Variants in GUCY1A2 observed in about 807,000 individuals in gnomAD.
The protein encoded by GUCY1A2 is guanylate cyclase soluble subunit alpha-2.
In GUCY1A2, 27 loss-of-function variants were observed where a neutral mutation model predicts 63.5. That is an observed-to-expected ratio of 0.43 (90% CI 0.31 to 0.59). GUCY1A2 has a LOEUF of 0.59. Ranked by LOEUF, GUCY1A2 falls within the 20% of genes least tolerant of loss-of-function variation. The probability of loss-of-function intolerance (pLI) is 0.11; values close to 1 mark genes in which losing one functional copy is unlikely to be tolerated. For missense variants in GUCY1A2, 768 were observed against 913.3 expected (o/e 0.84, Z 2.05); for synonymous variants, 364 against 343.5 (o/e 1.06, Z -0.66).
At chr11:106,747,498 A>G (rs1394483975) in intron 6 of GUCY1A2, among the ~76,000 whole-genome samples, 1 of 152,206 alleles carries the variant, frequency 6.6e-6, no homozygotes, top group Non-Finnish European at 1.5e-5. Flanking sequence ...AGAAGGCAAT[A>G]ACTGCTTAAG....
At chr11:106,799,533 C>A (rs1231992903) in intron 5 of GUCY1A2, among the ~76,000 whole-genome samples, 1 of 151,990 alleles carries the variant, frequency 6.6e-6, no homozygotes, top group African/African-American at 2.4e-5. Context: ...GTACTGGTAC[C>A]AAAACAGAGA....
rs563599546 is a variant in GUCY1A2, at chr11:106,798,541, C to T, written c.1692+11452G>A. Among the ~76,000 whole-genome samples the T allele has an allele frequency of 3.2e-3, 481 of 152,314 alleles. 2 individuals are homozygous for T. The highest frequency in any genetic ancestry group is 0.011 in the African/African-American group (452 of 41,554). The stretch of plus-strand genomic sequence containing the variant: ...TAAAATACTGGCAAACCAAATCCAG[C>T]AGCACATCAAAAAGCTTATCCACCA... On this transcript the variant is annotated intron_variant, in intron 5 of 7. Coordinates refer to ENST00000526355, the MANE Select transcript of GUCY1A2 (RefSeq NM_000855.3).
intron 5 of GUCY1A2, among the ~76,000 whole-genome samples, chr11:106,786,570 C>G (rs1864559737): frequency 6.6e-6 from 1 of 152,164 alleles, no homozygotes; most frequent in Admixed American, 6.5e-5. Context: ...TTTCTACCTC[C>G]CAGGTTGTTT....
At chr11:106,698,119 ATT>A (rs71470827) in intron 7 of GUCY1A2, among the ~76,000 whole-genome samples, 2,222 of 100,454 alleles carry the variant, frequency 0.022, 193 homozygotes, top group African/African-American at 0.096. Context: ...GAATGTTAGA[ATT>A]TTTTTTTTTT....
At chr11:106,889,947 TAA>T (rs1372259110) in intron 4 of GUCY1A2, among the ~76,000 whole-genome samples, 2 of 152,206 alleles carry the variant, frequency 1.3e-5, no homozygotes, top group Non-Finnish European at 2.9e-5. Context: ...ACTTCTGTAC[TAA>T]GAGTCCACCT....
intron 4 of GUCY1A2, among the ~76,000 whole-genome samples, chr11:106,836,177 T>C (rs1859114926): frequency 6.6e-6 from 1 of 152,044 alleles, no homozygotes; most frequent in East Asian, 1.9e-4. Context: ...TGGTCCCCCA[T>C]GCAGTTGAAA....
rs942616860 is a variant in GUCY1A2, at chr11:106,917,739, A to G, written c.1206+21721T>C. 1.3e-4 allele frequency among the ~76,000 whole-genome samples: 17 copies of G among 126,880 alleles called. 3 individuals carry two copies. Among genetic ancestry groups the G allele is most frequent in the Non-Finnish European group, 2.7e-4 (16 of 58,410 alleles). The allele number at this position is 126,880 out of a possible 152,430, so 83.2% of individuals were successfully genotyped here. A position where few individuals can be genotyped will look rare whatever the true frequency, so the allele number is the denominator to read the frequency against. Reference sequence around the variant, plus strand: ...GTTCTCACTCATAGGTGGGAATTGAACAATGAGAACACATGGACACAGGAA... The same window carrying G: ...GTTCTCACTCATAGGTGGGAATTGAGCAATGAGAACACATGGACACAGGAA... On this transcript the variant is annotated intron_variant, in intron 4 of 7. Transcript: ENST00000526355.
chr11:106,956,493 C>T (rs570747585), intron 3 of GUCY1A2, among the ~76,000 whole-genome samples: 1 of 152,086 alleles, frequency 6.6e-6, no homozygotes, highest in Non-Finnish European at 1.5e-5. Flanking sequence ...GTTGTTGATG[C>T]TGTTGTCACT....
chr11:106,990,369 G>C (rs1861455010), intron 1 of GUCY1A2, among the ~76,000 whole-genome samples: 1 of 152,238 alleles, frequency 6.6e-6, no homozygotes, highest in South Asian at 2.1e-4. Flanking sequence ...TTATGCTCAA[G>C]AAAGGTCATG....
intron 4 of GUCY1A2, among the ~76,000 whole-genome samples, chr11:106,916,877 A>G (rs918285037): frequency 6.9e-6 from 1 of 145,920 alleles, no homozygotes; most frequent in African/African-American, 2.4e-5. Context: ...GATATAAAAA[A>G]TTAGAATGTA....
chr11:106,816,182 A>C (rs1858829528), intron 4 of GUCY1A2, among the ~76,000 whole-genome samples: 3 of 151,146 alleles, frequency 2.0e-5, no homozygotes, highest in East Asian at 3.9e-4. Flanking sequence ...AAAAAAAAAA[A>C]AAAAAAACCC....
rs1862503661 is a variant in GUCY1A2 at position 106,685,214 on chromosome 11, T to A, written c.*2335A>T. ...TTCTTCATCGTGACATTTATGGCAATGTAAATGGATACTTATTCTCTAAGT... is the reference window on the plus strand; with the variant it reads ...TTCTTCATCGTGACATTTATGGCAAAGTAAATGGATACTTATTCTCTAAGT... On this transcript the variant is annotated 3_prime_UTR_variant, in exon 8 of 8. Transcript: ENST00000526355. The A allele has an allele frequency of 4.9e-6, 1 of 203,230 alleles. No individual in the cohort carries two copies. Among genetic ancestry groups the A allele is most frequent in the South Asian group, 1.9e-4 (1 of 5,282 alleles). 12.6% of individuals were successfully genotyped at this position (203,230 alleles called of 1,614,324 possible).
chr11:106,708,749 A>T, intron 6 of GUCY1A2, 83 bp from the exon 7 acceptor site: 7 of 692,550 alleles, frequency 1.0e-5, no homozygotes, highest in Non-Finnish European at 1.5e-5. Context: ...CTGCTAATTA[A>T]TAATAATAAT....
chr11:106,807,962 C>G (rs1234615004), intron 5 of GUCY1A2, among the ~76,000 whole-genome samples: 2 of 152,186 alleles, frequency 1.3e-5, no homozygotes, highest in Non-Finnish European at 2.9e-5. Context: ...GAAGGCTGCA[C>G]TGTTGGCTTC....
At chr11:106,783,346 C>A (rs1864498709) in intron 5 of GUCY1A2, among the ~76,000 whole-genome samples, 1 of 152,208 alleles carries the variant, frequency 6.6e-6, no homozygotes, top group Non-Finnish European at 1.5e-5. Flanking sequence ...TGGCCAAGCA[C>A]AGGTCCAACA....
intron 4 of GUCY1A2, among the ~76,000 whole-genome samples, chr11:106,882,591 C>G (rs947627893): frequency 2.0e-5 from 3 of 152,010 alleles, no homozygotes; most frequent in Non-Finnish European, 4.4e-5. Flanking sequence ...ACACAAAGCA[C>G]TCTCCCAGGA....
chr11:106,802,075 A>G (rs146032255), intron 5 of GUCY1A2, among the ~76,000 whole-genome samples: 89 of 152,308 alleles, frequency 5.8e-4, no homozygotes, highest in African/African-American at 2.1e-3. Flanking sequence ...TATTTACAGC[A>G]TTTCTACTAC....
intron 4 of GUCY1A2, among the ~76,000 whole-genome samples, chr11:106,911,169 C>T (rs1458277695): frequency 3.9e-5 from 6 of 151,998 alleles, no homozygotes; most frequent in African/African-American, 1.4e-4. Context: ...ACAAGCTGTA[C>T]AATTTAATGT....
At chr11:106,731,294 T>C (rs1863500730) in intron 6 of GUCY1A2, among the ~76,000 whole-genome samples, 1 of 152,158 alleles carries the variant, frequency 6.6e-6, no homozygotes, top group African/African-American at 2.4e-5. Context: ...ACCACATGGT[T>C]AACTCAAAAG....
Sources: gnomAD v4.1 joint callset for allele counts (sites outside exome capture counted in the v4.1 genomes callset) on GRCh38, gnomAD v4.1.1 for gene constraint, MANE v1.5 for transcripts, NCBI Gene and HGNC (gene_info 2026-07-23, HGNC 2026-07-21) for gene names.